Variants in TOP6BL observed in about 807,000 individuals in gnomAD.
The protein encoded by TOP6BL is type 2 DNA topoisomerase 6 subunit B-like.
At chr11:66,837,266 A>T in the TOP6BL span, among the ~76,000 whole-genome samples, 1 of 151,558 alleles carries the variant, frequency 6.6e-6, no homozygotes, top group Admixed American at 6.6e-5. Context: ...AGCTGGGACT[A>T]CAGGCGCCTG....
the TOP6BL span, among the ~76,000 whole-genome samples, chr11:66,786,188 C>T: frequency 6.6e-6 from 1 of 152,052 alleles, no homozygotes; most frequent in East Asian, 1.9e-4. Context: ...ATCCTACTTA[C>T]TCAGGAGGCT....
the TOP6BL span, chr11:66,843,429 C>T: frequency 3.6e-6 from 5 of 1,390,604 alleles, no homozygotes; most frequent in South Asian, 1.7e-5. Flanking sequence ...GACTGCGTCA[C>T]TGGTGCGCGC....
chr11:66,762,330 C>T, the TOP6BL span: 2 of 397,416 alleles, frequency 5.0e-6, no homozygotes, highest in Non-Finnish European at 9.0e-6. Context: ...GCGGGGCGGG[C>T]CCCGGGGGTG....
the TOP6BL span, among the ~76,000 whole-genome samples, chr11:66,830,133 A>C: frequency 2.6e-5 from 4 of 152,248 alleles, no homozygotes; most frequent in Admixed American, 2.0e-4. Context: ...AGGCACTTTT[A>C]GCAAGATAGA....
the TOP6BL span, chr11:66,843,301 A>C: frequency 6.4e-7 from 1 of 1,568,048 alleles, no homozygotes; most frequent in Non-Finnish European, 8.6e-7. Context: ...CCGTGGTTTA[A>C]TAAAGCTGCC....
chr11:66,745,314 T>TGGGGGGGGGGGGGGGGGGG, the TOP6BL span, among the ~76,000 whole-genome samples: 5 of 111,030 alleles, frequency 4.5e-5, no homozygotes, highest in Admixed American at 2.9e-4. Flanking sequence ...CGGGGCGGGG[T>TGGGGGGGGGGGGGGGGGGG]GGGGGGAGTC....
At chr11:66,758,052 A>C in the TOP6BL span, 2 of 746,930 alleles carry the variant, frequency 2.7e-6, no homozygotes. Flanking sequence ...TGAGGGATAG[A>C]TATATTTCTA....
chr11:66,762,110 A>C, the TOP6BL span: 2 of 1,023,596 alleles, frequency 2.0e-6, no homozygotes, highest in Non-Finnish European at 3.1e-6. Context: ...CATCTTAGGA[A>C]GGGTTTTATG....
the TOP6BL span, chr11:66,843,009 C>T: frequency 1.3e-6 from 2 of 1,551,652 alleles, no homozygotes; most frequent in African/African-American, 1.4e-5. Context: ...GAAGGGAGCA[C>T]CGCGAGGCTC....
chr11:66,824,777 C>A, the TOP6BL span, among the ~76,000 whole-genome samples: 1 of 151,914 alleles, frequency 6.6e-6, no homozygotes, highest in East Asian at 1.9e-4. Flanking sequence ...GACATGAACT[C>A]ATCATTTTTT....
chr11:66,767,741 C>T, the TOP6BL span, among the ~76,000 whole-genome samples: 1 of 152,132 alleles, frequency 6.6e-6, no homozygotes, highest in Admixed American at 6.6e-5. Context: ...TCAGTTTTTG[C>T]CTCTTCCCTA....
the TOP6BL span, among the ~76,000 whole-genome samples, chr11:66,812,798 C>T: frequency 2.0e-5 from 3 of 152,132 alleles, no homozygotes; most frequent in South Asian, 2.1e-4. Flanking sequence ...TGTCTGGAGA[C>T]GTTTTTTATT....
chr11:66,813,998 A>T, the TOP6BL span: 10 of 1,613,468 alleles, frequency 6.2e-6, no homozygotes, highest in Non-Finnish European at 8.5e-6. Context: ...CCCAATTTGG[A>T]TCTCAATTTG....
the TOP6BL span, among the ~76,000 whole-genome samples, chr11:66,753,201 G>A: frequency 1.3e-5 from 2 of 152,058 alleles, no homozygotes; most frequent in African/African-American, 4.8e-5. Flanking sequence ...ACAGTCAGAT[G>A]AATGTGTGTG....
At chr11:66,752,993 G>T in the TOP6BL span, among the ~76,000 whole-genome samples, 4 of 152,074 alleles carry the variant, frequency 2.6e-5, no homozygotes, top group South Asian at 8.3e-4. Context: ...GCCAGGTGTG[G>T]CAGTATGCGG....
At chr11:66,782,608 C>A in the TOP6BL span, among the ~76,000 whole-genome samples, 51 of 152,202 alleles carry the variant, frequency 3.4e-4, no homozygotes, top group South Asian at 0.011. Context: ...CAGGCAGACA[C>A]CCAGGGAAAT....
At chr11:66,794,259 A>G in the TOP6BL span, among the ~76,000 whole-genome samples, 1 of 151,926 alleles carries the variant, frequency 6.6e-6, no homozygotes, top group African/African-American at 2.4e-5. Flanking sequence ...TACCTAGTAC[A>G]TGGCTGTGTA....
the TOP6BL span, among the ~76,000 whole-genome samples, chr11:66,761,294 C>T: frequency 6.6e-6 from 1 of 151,970 alleles, no homozygotes; most frequent in South Asian, 2.1e-4. Flanking sequence ...TGGGGTGAAC[C>T]CGGGAGGCGG....
At chr11:66,744,844 G>GGC in the TOP6BL span, 7 of 1,319,666 alleles carry the variant, frequency 5.3e-6, no homozygotes, top group Non-Finnish European at 6.8e-6. Flanking sequence ...CGGCGGCGGC[G>GGC]GGCGGGTACC....
Sources: allele counts gnomAD v4.1 joint callset (sites outside exome capture counted in the v4.1 genomes callset), GRCh38; gene constraint gnomAD v4.1.1; transcripts MANE v1.5; gene names NCBI Gene and HGNC (gene_info 2026-07-23, HGNC 2026-07-21).